The following DNAH11 variants were observed in gnomAD, a reference collection of about 807,000 sequenced individuals.
The protein encoded by DNAH11 is axonemal beta dynein heavy chain 11.
In DNAH11, 442 loss-of-function variants were observed where a neutral mutation model predicts 526.0. That is an observed-to-expected ratio of 0.84 (90% confidence interval 0.78 to 0.91). The LOEUF (loss-of-function observed/expected upper bound fraction) is 0.91. Among genes scored for constraint, DNAH11 ranks in the 40% least tolerant of loss-of-function variants. The pLI is 0.00. For synonymous variants in DNAH11, 2,461 were observed against 1,935.9 expected (o/e 1.27, Z -7.12); for missense variants, 6,989 against 5,448.7 (o/e 1.28, Z -8.90).
chr7:21,580,864 A>G (rs1263467277), intron 8 of DNAH11, among the ~76,000 whole-genome samples: 1 of 152,228 alleles, frequency 6.6e-6, no homozygotes, highest in Non-Finnish European at 1.5e-5. Context: ...TCAAAGAAAC[A>G]TAGCATCTGG....
At chr7:21,637,756 T>C in intron 27 of DNAH11, 54 bp downstream of exon 27, 1 of 1,118,872 alleles carries the variant, frequency 8.9e-7, no homozygotes, top group East Asian at 2.6e-5. Context: ...ATGAAGTCTT[T>C]TTCACATACC....
chr7:21,547,010 A>C (rs2128426144), intron 2 of DNAH11, among the ~76,000 whole-genome samples: 1 of 152,348 alleles, frequency 6.6e-6, no homozygotes, highest in East Asian at 1.9e-4. Context: ...GTCCTTGGTG[A>C]ACCTTACTTT....
intron 11 of DNAH11, 109 bp from the exon 12 acceptor site, chr7:21,589,099 C>G: frequency 1.2e-6 from 1 of 836,598 alleles, no homozygotes; most frequent in Admixed American, 3.9e-5. Context: ...GTTTCTCTTC[C>G]TGGTTGTTTA....
chr7:21,569,268 C>T (rs73682638), intron 6 of DNAH11, among the ~76,000 whole-genome samples: 374 of 152,224 alleles, frequency 2.5e-3, no homozygotes, highest in African/African-American at 8.5e-3. Flanking sequence ...AAATTGAAGG[C>T]ACACAAATTA....
Position 21,564,180 on chromosome 7 carries a change from T to G in DNAH11, c.983-6T>G. ...AATCACGTTAATGGTGGTTCTTTGC[T>G]TTCAGCTCTTCTCGAAGCCCAAGAT... is the stretch of plus-strand genomic sequence containing the variant. On this transcript the variant is annotated splice_region_variant and splice_polypyrimidine_tract_variant and intron_variant, in intron 5 of 81. Transcript: ENST00000409508. 3.2e-6 allele frequency: 5 copies of G among 1,561,150 alleles called. No homozygotes were observed. Among genetic ancestry groups the G allele is most frequent in the Non-Finnish European group, 4.3e-6 (5 of 1,157,112 alleles).
chr7:21,795,177 T>C (rs1788656863), intron 61 of DNAH11, among the ~76,000 whole-genome samples: 1 of 152,220 alleles, frequency 6.6e-6, no homozygotes, highest in Non-Finnish European at 1.5e-5. Context: ...TAATTTTTTT[T>C]ACATTTAACA....
intron 73 of DNAH11, among the ~76,000 whole-genome samples, chr7:21,872,123 C>CAAAAAAAAAAAAAAAAAAAAAAAAAAA (rs776718319): frequency 3.2e-5 from 1 of 30,832 alleles, no homozygotes; most frequent in African/African-American, 1.3e-4. Flanking sequence ...GACTCTGTCT[C>CAAAAAAAAAAAAAAAAAAAAAAAAAAA]AAAAAAAAAA....
At chr7:21,814,865 C>T (rs1022198863) in intron 63 of DNAH11, among the ~76,000 whole-genome samples, 2 of 151,948 alleles carry the variant, frequency 1.3e-5, no homozygotes, top group African/African-American at 4.8e-5. Flanking sequence ...TTATAACTAT[C>T]AAAAAATATT....
intron 6 of DNAH11, among the ~76,000 whole-genome samples, chr7:21,566,681 G>T (rs6978629): frequency 1.8e-4 from 27 of 151,326 alleles, no homozygotes; most frequent in Admixed American, 1.8e-3. Context: ...GTTCTCACCC[G>T]TTATACCATG....
At chr7:21,694,292 A>G (rs1235704001) in intron 35 of DNAH11, among the ~76,000 whole-genome samples, 1 of 152,106 alleles carries the variant, frequency 6.6e-6, no homozygotes, top group Admixed American at 6.6e-5. Context: ...TCAACCCATC[A>G]TCTAGGTTTT....
chr7:21,807,853 T>G lies in DNAH11; in HGVS notation c.10166-30T>G, dbSNP rs541682761. 5 of 1,574,420 alleles carry G rather than the reference T, an allele frequency of 3.2e-6. No individual in the cohort carries two copies. The African/African-American group carries it at 5.4e-5, about 17-fold the overall frequency. On this transcript the variant is annotated intron_variant, in intron 62 of 81. Coordinates refer to ENST00000409508, the MANE Select transcript of DNAH11 (RefSeq NM_001277115.2). Reference sequence around the variant, plus strand: ...GTGGAGTTGACATTCAGCCTGCAATTACAGCTGAGTAATTTCATCTTTCAG... The same window carrying G: ...GTGGAGTTGACATTCAGCCTGCAATGACAGCTGAGTAATTTCATCTTTCAG...
At chr7:21,749,541 G>A in intron 52 of DNAH11, 137 bp from the exon 53 acceptor site, 1 of 1,107,268 alleles carries the variant, frequency 9.0e-7, no homozygotes, top group Non-Finnish European at 1.3e-6. Flanking sequence ...TCTCAGAGAA[G>A]GAATATGTAA....
At chr7:21,833,424 G>A (rs1781865067) in intron 65 of DNAH11, among the ~76,000 whole-genome samples, 1 of 152,198 alleles carries the variant, frequency 6.6e-6, no homozygotes, top group Non-Finnish European at 1.5e-5. Context: ...TGGGCACAGT[G>A]GCTCATGCCT....
At chr7:21,610,398 T>C (rs1426346833) in intron 20 of DNAH11, among the ~76,000 whole-genome samples, 1 of 152,206 alleles carries the variant, frequency 6.6e-6, no homozygotes, top group African/African-American at 2.4e-5. Flanking sequence ...TACAAGTATC[T>C]TCCTAGTAAC....
At position 21,591,524 on chromosome 7, in the gene DNAH11, A is replaced by G. The variant is rs1211920866; in HGVS notation, c.2614A>G (p.Lys872Glu). 6 of 1,598,114 alleles carry G rather than the reference A, an allele frequency of 3.8e-6. No individual in the cohort carries two copies. The highest frequency in any genetic ancestry group is 1.1e-5 in the South Asian group (1 of 89,928). ...GGAGGACAAGGGTGATTTGTTTACA[A>G]AAAAATACAAGTTAATCCAAGGAGA... ...TLEDKGDLFT[K>E]KYKLIQGDGC... The change falls in exon 14 of 82, where the codon AAA (lysine) becomes GAA (glutamate). Residue 872 changes from lysine (K) to glutamate (E), a missense_variant. Lys to Glu is a moderately conservative substitution (Grantham distance 56). Transcript: ENST00000409508.
At chr7:21,739,486 C>G (rs933353) in intron 47 of DNAH11, 85 bp from the exon 48 acceptor site, 17 of 939,746 alleles carry the variant, frequency 1.8e-5, no homozygotes, top group Non-Finnish European at 1.6e-6. Context: ...AGGTAATCTG[C>G]GATGAAGACC....
In DNAH11 at chr7:21,748,593, CG is replaced by C; in HGVS notation, c.8526del (p.Ile2843SerfsTer39). ...TCCTTTCCTCAGGTGTCGCATCAGCCGGATCTTACGAACCCCTCAGGGCTGT... is the reference window on the plus strand; with the variant it reads ...TCCTTTCCTCAGGTGTCGCATCAGCCGATCTTACGAACCCCTCAGGGCTGT... ...DAMQHVCRIS[R>X]ILRTPQGCAL... On this transcript the variant is annotated frameshift_variant, in exon 52 of 82. Transcript: ENST00000409508. LOFTEE classifies it high-confidence loss of function. 1 of 1,544,742 alleles carries C rather than the reference CG, an allele frequency of 6.5e-7. No homozygotes were observed. Among genetic ancestry groups the C allele is most frequent in the Non-Finnish European group, 8.8e-7 (1 of 1,142,212 alleles).
chr7:21,585,809 T>C (rs1784462810), intron 9 of DNAH11, among the ~76,000 whole-genome samples: 6 of 152,190 alleles, frequency 3.9e-5, no homozygotes, highest in Admixed American at 3.9e-4. Context: ...TGAAAAACTG[T>C]ATTATGCAAT....
intron 6 of DNAH11, among the ~76,000 whole-genome samples, chr7:21,564,898 T>TA (rs201951934): frequency 2.7e-3 from 395 of 147,656 alleles, no homozygotes; most frequent in Non-Finnish European, 3.6e-3. Context: ...TGCAAAATGT[T>TA]AAAAAAAAAA....
Sources: gnomAD v4.1 joint callset for allele counts (sites outside exome capture counted in the v4.1 genomes callset) on GRCh38, gnomAD v4.1.1 for gene constraint, MANE v1.5 for transcripts, NCBI Gene and HGNC (gene_info 2026-07-23, HGNC 2026-07-21) for gene names.